CTNNA3: variants seen among roughly 807,000 people sequenced by gnomAD.
CTNNA3 encodes catenin alpha 3, also known as catenin alpha-3.
CTNNA3 carries 76 observed loss-of-function variants against 95.7 expected under a neutral mutation model. That is an observed-to-expected ratio of 0.79 (90% confidence interval 0.66 to 0.96). The LOEUF (loss-of-function observed/expected upper bound fraction) is 0.96. CTNNA3 is among the 40% of genes least tolerant of loss of function. The pLI is 0.00. For synonymous variants in CTNNA3, 431 were observed against 374.4 expected, an observed-to-expected ratio of 1.15 and a Z score of -1.74; for missense variants, 1,191 against 1,089.8, an observed-to-expected ratio of 1.09 and a Z score of -1.31.
chr10:66,165,025 A>C (rs1428450543), intron 13 of CTNNA3, among the ~76,000 whole-genome samples: 1 of 152,172 alleles, frequency 6.6e-6, no homozygotes, highest in Non-Finnish European at 1.5e-5. Flanking sequence ...TCAAATACAG[A>C]ATACAATACC....
intron 10 of CTNNA3, among the ~76,000 whole-genome samples, chr10:66,542,803 G>T (rs10997227): frequency 0.65 from 98,333 of 150,664 alleles, 34,762 homozygotes; most frequent in Non-Finnish European, 0.8. Flanking sequence ...TGAGTTAATG[G>T]GTGCAGCACA....
chr10:67,626,323 T>C (rs531116384), intron 2 of CTNNA3, among the ~76,000 whole-genome samples: 1 of 152,346 alleles, frequency 6.6e-6, no homozygotes, highest in Admixed American at 6.5e-5. Context: ...AGTCTCTATT[T>C]TCTTCCAGAG....
At chr10:67,429,602 T>C (rs1846038725) in intron 5 of CTNNA3, among the ~76,000 whole-genome samples, 1 of 152,038 alleles carries the variant, frequency 6.6e-6, no homozygotes, top group Admixed American at 6.6e-5. Context: ...TCCATTTGTA[T>C]TTGCTAGAAA....
intron 9 of CTNNA3, among the ~76,000 whole-genome samples, chr10:66,677,371 T>TA (rs1846896147): frequency 6.7e-6 from 1 of 149,376 alleles, no homozygotes; most frequent in South Asian, 2.1e-4. Flanking sequence ...AAAAATGAAA[T>TA]AAAAAATAAT....
chr10:67,726,683 T>C (rs1400562582), intron 1 of CTNNA3, among the ~76,000 whole-genome samples: 2 of 90,064 alleles, frequency 2.2e-5, no homozygotes, highest in Non-Finnish European at 3.9e-5. Flanking sequence ...TTATATAATA[T>C]ATGATGTATT....
chr10:67,121,826 T>G (rs1361858950), intron 7 of CTNNA3, among the ~76,000 whole-genome samples: 1 of 151,834 alleles, frequency 6.6e-6, no homozygotes, highest in Admixed American at 6.6e-5. Context: ...ACCACTGATC[T>G]CCAGAGAACT....
chr10:66,448,267 A>T (rs951220531), intron 11 of CTNNA3, among the ~76,000 whole-genome samples: 1 of 152,180 alleles, frequency 6.6e-6, no homozygotes, highest in Non-Finnish European at 1.5e-5. Flanking sequence ...AAGTCAGTGT[A>T]GTGATTCCAC....
At chr10:67,441,680 A>C (rs1846524703) in intron 5 of CTNNA3, among the ~76,000 whole-genome samples, 1 of 152,140 alleles carries the variant, frequency 6.6e-6, no homozygotes, top group South Asian at 2.1e-4. Flanking sequence ...CTGAAGGAAA[A>C]AACTTTTATT....
chr10:66,804,866 G>A (rs1421692226), intron 7 of CTNNA3, among the ~76,000 whole-genome samples: 1 of 152,040 alleles, frequency 6.6e-6, no homozygotes, highest in East Asian at 1.9e-4. Flanking sequence ...GCCCTTGACT[G>A]GAACTTGGGA....
At chr10:66,368,492 T>C (rs1589150287) in intron 12 of CTNNA3, among the ~76,000 whole-genome samples, 1 of 152,128 alleles carries the variant, frequency 6.6e-6, no homozygotes, top group Non-Finnish European at 1.5e-5. Context: ...TTTACTGTTA[T>C]TTTAACGGGA....
At chr10:66,605,149 A>G (rs1182500856) in intron 10 of CTNNA3, among the ~76,000 whole-genome samples, 2 of 152,166 alleles carry the variant, frequency 1.3e-5, no homozygotes, top group Non-Finnish European at 2.9e-5. Flanking sequence ...CACTACAAGA[A>G]TTTCATAATG....
intron 15 of CTNNA3, among the ~76,000 whole-genome samples, chr10:66,051,506 T>C (rs2133537878): frequency 6.6e-6 from 1 of 152,302 alleles, no homozygotes; most frequent in East Asian, 1.9e-4. Flanking sequence ...TGAAATATCT[T>C]GTATGAAATA....
chr10:65,986,719 T>G (rs2078435249), intron 16 of CTNNA3, among the ~76,000 whole-genome samples: 1 of 151,086 alleles, frequency 6.6e-6, no homozygotes, highest in African/African-American at 2.4e-5. Flanking sequence ...ATCCTAAAAT[T>G]TACATAGAAC....
chr10:66,154,820 T>G (rs2133915075), intron 13 of CTNNA3, among the ~76,000 whole-genome samples: 1 of 149,422 alleles, frequency 6.7e-6, no homozygotes, highest in Admixed American at 6.8e-5. Flanking sequence ...GAAAGCAATA[T>G]AACAAGATGA....
At chr10:67,620,680 A>C (rs947694006) in intron 2 of CTNNA3, among the ~76,000 whole-genome samples, 3 of 152,126 alleles carry the variant, frequency 2.0e-5, no homozygotes, top group African/African-American at 7.2e-5. Flanking sequence ...TATTTCCATT[A>C]TACGATGCAT....
intron 12 of CTNNA3, among the ~76,000 whole-genome samples, chr10:66,331,496 G>A (rs1379883105): frequency 6.6e-6 from 1 of 151,050 alleles, no homozygotes; most frequent in South Asian, 2.1e-4. Context: ...TGGGACTACA[G>A]GCGCGCACCA....
chr10:67,097,753 C>T (rs1456277964), intron 7 of CTNNA3: 3 of 1,612,550 alleles, frequency 1.9e-6, no homozygotes, highest in South Asian at 2.2e-5. Context: ...AGCACAATCA[C>T]AACAGCTGGC....
At chr10:66,274,688 T>G (rs934998844) in intron 13 of CTNNA3, among the ~76,000 whole-genome samples, 4 of 152,150 alleles carry the variant, frequency 2.6e-5, no homozygotes, top group African/African-American at 9.7e-5. Context: ...AATATCTAAT[T>G]TACATGCAAC....
At chr10:67,641,323 G>T (rs1490821265) in intron 2 of CTNNA3, among the ~76,000 whole-genome samples, 1 of 152,118 alleles carries the variant, frequency 6.6e-6, no homozygotes, top group South Asian at 2.1e-4. Context: ...TCTCACACCA[G>T]TTAGAATGGC....
Sources: gnomAD v4.1 joint callset for allele counts (sites outside exome capture counted in the v4.1 genomes callset) on GRCh38, gnomAD v4.1.1 for gene constraint, MANE v1.5 for transcripts, NCBI Gene and HGNC (gene_info 2026-07-23, HGNC 2026-07-21) for gene names.